NRG2: variants seen among roughly 807,000 people sequenced by gnomAD.
The protein encoded by NRG2 is neuregulin 2.
NRG2 carries 27 observed loss-of-function variants against 73.9 expected under a neutral mutation model. The observed-to-expected ratio is 0.37, with a 90% confidence interval of 0.27 to 0.50. NRG2 has a LOEUF of 0.50. Ranked by LOEUF, NRG2 falls within the 20% of genes least tolerant of loss-of-function variation. NRG2 has a pLI of 0.96. For missense variants in NRG2, 1,126 were observed against 1,210.1 expected, an observed-to-expected ratio of 0.93 and a Z score of 1.03; for synonymous variants, 532 against 541.0, an observed-to-expected ratio of 0.98 and a Z score of 0.23.
chr5:140,003,874 C>A (rs1758689043), intron 1 of NRG2, among the ~76,000 whole-genome samples: 1 of 152,226 alleles, frequency 6.6e-6, no homozygotes, highest in Non-Finnish European at 1.5e-5. Context: ...ACATCCAATT[C>A]TTTCACAAAT....
intron 3 of NRG2, among the ~76,000 whole-genome samples, chr5:139,873,235 G>A (rs1477526648): frequency 1.3e-5 from 2 of 152,068 alleles, no homozygotes; most frequent in African/African-American, 4.8e-5. Context: ...CTGGCATCCC[G>A]GAGCCCCACC....
Position 139,847,793 on chromosome 5 carries a change from T to C in NRG2, c.*124A>G. 1.5e-6 allele frequency: 1 copy of C among 677,886 alleles called. No homozygotes were observed. The highest frequency in any genetic ancestry group is 2.1e-6 in the Non-Finnish European group (1 of 474,756). 42.0% of individuals were successfully genotyped at this position (677,886 alleles called of 1,614,324 possible). On this transcript the variant is annotated 3_prime_UTR_variant, in exon 10 of 10. Coordinates refer to ENST00000361474, the MANE Select transcript of NRG2 (RefSeq NM_004883.3). ...TGAAAATAAAACATTTTGTTATACTTTTTTCCTTTTATAGAAAATAAAAAT... is the reference window on the plus strand; with the variant it reads ...TGAAAATAAAACATTTTGTTATACTCTTTTCCTTTTATAGAAAATAAAAAT...
At chr5:139,884,278 C>T (rs1187069440) in intron 2 of NRG2, among the ~76,000 whole-genome samples, 1 of 152,160 alleles carries the variant, frequency 6.6e-6, no homozygotes, top group Non-Finnish European at 1.5e-5. Flanking sequence ...AGGAAGGTGT[C>T]CCAGAGAGAA....
chr5:140,027,580 T>A (rs1442420033), intron 1 of NRG2, among the ~76,000 whole-genome samples: 1 of 152,250 alleles, frequency 6.6e-6, no homozygotes, highest in African/African-American at 2.4e-5. Flanking sequence ...CACATTCACA[T>A]AACTTTTATT....
intron 1 of NRG2, among the ~76,000 whole-genome samples, chr5:139,899,746 T>G (rs1339014368): frequency 6.6e-6 from 1 of 152,204 alleles, no homozygotes; most frequent in Admixed American, 6.5e-5. Flanking sequence ...GTTGATCTGA[T>G]GGGGAGGGCC....
At chr5:139,900,163 C>T (rs958726355) in intron 1 of NRG2, among the ~76,000 whole-genome samples, 8 of 152,208 alleles carry the variant, frequency 5.3e-5, no homozygotes, top group Non-Finnish European at 8.8e-5. Flanking sequence ...CTCCCTACAC[C>T]ACCCTAGGAG....
intron 1 of NRG2, among the ~76,000 whole-genome samples, chr5:139,952,128 T>C (rs1205088385): frequency 6.6e-6 from 1 of 152,224 alleles, no homozygotes; most frequent in Non-Finnish European, 1.5e-5. Context: ...TTGCAGGGAT[T>C]AACCAATATA....
At chr5:139,855,147 A>G (rs112115556) in intron 6 of NRG2, among the ~76,000 whole-genome samples, 213 of 151,950 alleles carry the variant, frequency 1.4e-3, no homozygotes, top group African/African-American at 5.0e-3. Flanking sequence ...TTTTGTCTCA[A>G]TTGCTCCCAA....
Position 139,851,756 on chromosome 5 carries a change from T to A in NRG2, c.1620A>T (p.Ser540=), listed in dbSNP as rs1438846416. ...TGTTGCATTTGCTGGTACCCACTGA[T>A]GATAGCATGATCCCCGACTGGGAGT... The part of the protein sequence containing the change: ...TSDSQSGIML[S]SVGTSKCNSP... The change falls in exon 9 of 10, where the codon TCA becomes TCT. Residue 540 remains serine, a synonymous_variant. Transcript: ENST00000361474. This position sits in a 1 kb window ranked among gnomAD's most constrained non-coding sequence, Gnocchi z 4.2. 7 of 1,614,156 alleles carry A rather than the reference T, an allele frequency of 4.3e-6. No individual in the cohort carries two copies. In the African/African-American group the frequency reaches 6.7e-5, roughly 15 times the overall value.
intron 1 of NRG2, among the ~76,000 whole-genome samples, chr5:139,977,409 C>A (rs1288442329): frequency 6.6e-6 from 1 of 152,166 alleles, no homozygotes; most frequent in Non-Finnish European, 1.5e-5. Flanking sequence ...AATGTTCAAT[C>A]AACTCAAGTC....
At chr5:139,991,049 G>A (rs1757587822) in intron 1 of NRG2, among the ~76,000 whole-genome samples, 2 of 152,106 alleles carry the variant, frequency 1.3e-5, no homozygotes, top group Non-Finnish European at 2.9e-5. Context: ...GCCAAGGCAG[G>A]TGGATCACGA....
intron 1 of NRG2, among the ~76,000 whole-genome samples, chr5:139,930,822 G>A (rs1752418986): frequency 6.6e-6 from 1 of 152,230 alleles, no homozygotes; most frequent in African/African-American, 2.4e-5. Context: ...GCCATGGGAT[G>A]CTGTCTGAAG....
rs1280690108 is a variant in NRG2 at position 139,851,648 on chromosome 5, A to G, written c.1728T>C (p.Tyr576=). ...CGCGAAGGGAGTCCACGGAATCGTG[A>G]TAGGGTGGCGCGGTGGCCCTGCGCC... ...EERRRATAPP[Y]HDSVDSLRDS... The change falls in exon 9 of 10, where the codon TAT becomes TAC. Residue 576 remains tyrosine, a synonymous_variant. Transcript: ENST00000361474. This position sits in a 1 kb window ranked among gnomAD's most constrained non-coding sequence, Gnocchi z 4.2. The G allele has an allele frequency of 6.2e-7, 1 of 1,614,112 alleles. No homozygotes were observed. The highest frequency in any genetic ancestry group is 1.1e-5 in the South Asian group (1 of 91,078).
At chr5:139,933,870 AC>A (rs558060219) in intron 1 of NRG2, among the ~76,000 whole-genome samples, 2 of 152,240 alleles carry the variant, frequency 1.3e-5, no homozygotes, top group Non-Finnish European at 2.9e-5. Context: ...TTTAAGAGAT[AC>A]GTTTTTTGAC....
intron 6 of NRG2, among the ~76,000 whole-genome samples, chr5:139,855,381 A>G (rs1031793403): frequency 1.3e-5 from 2 of 152,240 alleles, no homozygotes; most frequent in African/African-American, 2.4e-5. Flanking sequence ...TCAAGGTTAC[A>G]TGGGAAATAG....
At position 139,868,172 on chromosome 5, in the gene NRG2, G is replaced by A. The variant is rs1396625738; in HGVS notation, c.1113-2547C>T. On this transcript the variant is annotated intron_variant, in intron 4 of 9. Coordinates refer to ENST00000361474, the MANE Select transcript of NRG2 (RefSeq NM_004883.3). This position sits in a 1 kb window ranked among gnomAD's most constrained non-coding sequence, Gnocchi z 4.2. ...GCTGACAGCTACTGCTGTTCTTTGG[G>A]GTGCTAGCTCCTTCAGGGACCTCCT... Among the ~76,000 whole-genome samples the A allele has an allele frequency of 6.6e-6, 1 of 152,050 alleles. No individual in the cohort carries two copies. Among genetic ancestry groups the A allele is most frequent in the African/African-American group, 2.4e-5 (1 of 41,376 alleles).
intron 1 of NRG2, among the ~76,000 whole-genome samples, chr5:139,957,929 G>A (rs1225726729): frequency 6.6e-6 from 1 of 152,136 alleles, no homozygotes; most frequent in South Asian, 2.1e-4. Flanking sequence ...TCCTATGGGC[G>A]CTTAAGCCAT....
chr5:139,977,772 C>A (rs1429090308), intron 1 of NRG2, among the ~76,000 whole-genome samples: 1 of 152,096 alleles, frequency 6.6e-6, no homozygotes, highest in Non-Finnish European at 1.5e-5. Flanking sequence ...CAGAACAGAG[C>A]CCTCAGAAAT....
intron 1 of NRG2, among the ~76,000 whole-genome samples, chr5:140,013,046 C>T (rs1169824806): frequency 6.6e-6 from 1 of 152,176 alleles, no homozygotes; most frequent in Admixed American, 6.5e-5. Context: ...ACTTCACACC[C>T]TCTTTCTCCT....
Sources: gnomAD v4.1 joint callset for allele counts (sites outside exome capture counted in the v4.1 genomes callset) on GRCh38, gnomAD v4.1.1 for gene constraint, Gnocchi (gnomAD v3.1) non-coding constraint, MANE v1.5 for transcripts, NCBI Gene and HGNC (gene_info 2026-07-23, HGNC 2026-07-21) for gene names.